Variants in ZFYVE9 observed in about 807,000 individuals in gnomAD.
ZFYVE9 encodes the protein zinc finger FYVE-type containing 9.
In ZFYVE9, 43 loss-of-function variants were observed where a neutral mutation model predicts 126.7. The ratio of observed to expected loss-of-function variants is 0.34; its 90% CI spans 0.27 to 0.44. The LOEUF is 0.44. Among genes scored for constraint, ZFYVE9 ranks in the 20% least tolerant of loss-of-function variants. ZFYVE9 has a pLI of 1.00. For missense variants in ZFYVE9, 1,476 were observed against 1,697.0 expected (o/e 0.87, Z 2.29); for synonymous variants, 521 against 597.4 (o/e 0.87, Z 1.87).
intron 4 of ZFYVE9, among the ~76,000 whole-genome samples, chr1:52,243,763 T>TAAA (rs879647592): frequency 7.1e-6 from 1 of 140,062 alleles, no homozygotes; most frequent in African/African-American, 2.6e-5. Context: ...CCATCTCCAC[T>TAAA]AAAAAAAAAA....
At chr1:52,250,877 A>C (rs988230718) in intron 4 of ZFYVE9, among the ~76,000 whole-genome samples, 4 of 150,746 alleles carry the variant, frequency 2.7e-5, no homozygotes, top group African/African-American at 9.7e-5. Flanking sequence ...CACCTGGCTA[A>C]TTTTTTTTTA....
At chr1:52,314,829 C>CA (rs1352739110) in intron 13 of ZFYVE9, among the ~76,000 whole-genome samples, 1 of 151,398 alleles carries the variant, frequency 6.6e-6, no homozygotes, top group Non-Finnish European at 1.5e-5. Context: ...AAAAAAAAAG[C>CA]AAAAACCGCC....
chr1:52,314,661 TAGA>T (rs1022286873), intron 13 of ZFYVE9, among the ~76,000 whole-genome samples: 53 of 151,820 alleles, frequency 3.5e-4, no homozygotes, highest in African/African-American at 1.3e-3. Context: ...CTACTAAAAA[TAGA>T]AAAAAATTAA....
intron 6 of ZFYVE9, among the ~76,000 whole-genome samples, chr1:52,267,857 T>G (rs1423180776): frequency 6.6e-6 from 1 of 152,238 alleles, no homozygotes; most frequent in Non-Finnish European, 1.5e-5. Context: ...GTCTTTTTAC[T>G]AAAACACAAA....
intron 4 of ZFYVE9, among the ~76,000 whole-genome samples, chr1:52,250,714 CTT>C (rs34689725): frequency 1.7e-4 from 24 of 143,584 alleles, no homozygotes; most frequent in African/African-American, 3.3e-4. Flanking sequence ...TTCTTTCAGT[CTT>C]TTTTTTTTTT....
rs1645589480 is a variant in ZFYVE9, at chr1:52,262,553, G to A, written c.2179-1220G>A. ...AAGAATGTCAAGCCCTATAAAAATT[G>A]TAAACTGATAACAGTCATAGTAACT... On this transcript the variant is annotated intron_variant, in intron 4 of 18. Coordinates refer to ENST00000287727, the MANE Select transcript of ZFYVE9 (RefSeq NM_004799.4). Among the ~76,000 whole-genome samples, 3 of 152,238 alleles carry A rather than the reference G, an allele frequency of 2.0e-5. No individual in the cohort carries two copies. In the South Asian group the frequency reaches 6.2e-4, roughly 32 times the overall value.
At chr1:52,236,643 T>C (rs912590991) in intron 3 of ZFYVE9, among the ~76,000 whole-genome samples, 6 of 152,310 alleles carry the variant, frequency 3.9e-5, no homozygotes, top group East Asian at 1.9e-4. Flanking sequence ...TATGAAATTA[T>C]GCTTATTGGT....
chr1:52,154,157 A>G (rs1445303997), intron 1 of ZFYVE9, among the ~76,000 whole-genome samples: 2 of 152,176 alleles, frequency 1.3e-5, no homozygotes, highest in Non-Finnish European at 2.9e-5. Context: ...GTATAAGTCT[A>G]TATTTAGTGG....
In ZFYVE9 at chr1:52,255,979, T is replaced by TC. The variant is rs1432559972; in HGVS notation, c.2179-7793dup. Among the ~76,000 whole-genome samples, 258 of 139,196 alleles carry TC rather than the reference T, an allele frequency of 1.9e-3. 5 individuals carry two copies. The highest frequency in any genetic ancestry group is 6.5e-3 in the African/African-American group (227 of 34,848). 91.3% of individuals were successfully genotyped at this position (139,196 alleles called of 152,430 possible). On this transcript the variant is annotated intron_variant, in intron 4 of 18. Coordinates refer to ENST00000287727, the MANE Select transcript of ZFYVE9 (RefSeq NM_004799.4). ...TTTTCTTTTCTTTTCTTTCTTTCTT[T>TC]CTTTCCTTCCTTCCTTCCTTCCTTC... is the stretch of plus-strand genomic sequence containing the variant.
At chr1:52,234,121 C>T (rs1645250696) in intron 3 of ZFYVE9, among the ~76,000 whole-genome samples, 1 of 152,174 alleles carries the variant, frequency 6.6e-6, no homozygotes, top group African/African-American at 2.4e-5. Flanking sequence ...CTCTAAATTT[C>T]CATCTTGGTT....
chr1:52,345,955 A>G (rs745382427), intron 18 of ZFYVE9, 105 bp from the exon 19 acceptor site: 15 of 1,221,030 alleles, frequency 1.2e-5, no homozygotes, highest in Middle Eastern at 2.9e-4. Context: ...TGTTTAGCCT[A>G]TGGCCAAAAA....
At chr1:52,192,043 T>TTC (rs1557448227) in intron 1 of ZFYVE9, among the ~76,000 whole-genome samples, 1 of 151,496 alleles carries the variant, frequency 6.6e-6, no homozygotes, top group Non-Finnish European at 1.5e-5. Context: ...TTTTTTTTTT[T>TTC]CTAGAACAAG....
chr1:52,195,857 A>G (rs573070927), intron 1 of ZFYVE9, among the ~76,000 whole-genome samples: 247 of 151,322 alleles, frequency 1.6e-3, no homozygotes, highest in Non-Finnish European at 1.9e-3. Flanking sequence ...CAGTGGCCCG[A>G]TCTCAGCACA....
intron 1 of ZFYVE9, among the ~76,000 whole-genome samples, chr1:52,204,579 T>C: frequency 6.6e-6 from 1 of 151,412 alleles, no homozygotes; most frequent in Middle Eastern, 3.2e-3. Flanking sequence ...ATACAAAAAT[T>C]AGCTGGGCAT....
intron 13 of ZFYVE9, among the ~76,000 whole-genome samples, chr1:52,332,303 G>A (rs907947799): frequency 1.3e-5 from 2 of 151,928 alleles, no homozygotes; most frequent in African/African-American, 4.8e-5. Context: ...ACATAAGTTA[G>A]TAAAATTAAG....
At chr1:52,263,981 A>G (rs75483990) in intron 5 of ZFYVE9, 109 bp downstream of exon 5, 25,076 of 530,566 alleles carry the variant, frequency 0.047, 719 homozygotes, top group South Asian at 0.08. Context: ...CACCTTCTCA[A>G]ATGTCATAAC....
chr1:52,253,752 G>T, intron 4 of ZFYVE9: 2 of 1,607,848 alleles, frequency 1.2e-6, no homozygotes, highest in Non-Finnish European at 1.7e-6. Flanking sequence ...GAGTGGATCA[G>T]TTACGAGATG....
chr1:52,289,801 A>T (rs1645899942), intron 10 of ZFYVE9, among the ~76,000 whole-genome samples: 1 of 152,228 alleles, frequency 6.6e-6, no homozygotes, highest in Admixed American at 6.5e-5. Context: ...TTAATATTTA[A>T]AGGATAAAAG....
intron 13 of ZFYVE9, among the ~76,000 whole-genome samples, chr1:52,326,727 G>A (rs1264613798): frequency 6.6e-6 from 1 of 151,374 alleles, no homozygotes; most frequent in African/African-American, 2.4e-5. Flanking sequence ...GCTGGACATG[G>A]TGGCACATGC....
Sources: gnomAD v4.1 joint callset for allele counts (sites outside exome capture counted in the v4.1 genomes callset) on GRCh38, gnomAD v4.1.1 for gene constraint, MANE v1.5 for transcripts, NCBI Gene and HGNC (gene_info 2026-07-23, HGNC 2026-07-21) for gene names.